The following IGF2BP2 variants were observed in gnomAD, a reference collection of about 807,000 sequenced individuals.
The protein encoded by IGF2BP2 is insulin like growth factor 2 mRNA binding protein 2.
A neutral mutation model predicts 75.8 loss-of-function variants in IGF2BP2; 17 were observed. That is an observed-to-expected ratio of 0.22 (90% CI 0.15 to 0.34). IGF2BP2 has a LOEUF of 0.34. Ranked by LOEUF, IGF2BP2 falls within the 10% of genes least tolerant of loss-of-function variation. The probability of loss-of-function intolerance (pLI) is 1.00; values close to 1 mark genes in which losing one functional copy is unlikely to be tolerated. For missense variants in IGF2BP2, 516 were observed against 772.4 expected, an observed-to-expected ratio of 0.67 and a Z score of 3.93; for synonymous variants, 288 against 295.6, an observed-to-expected ratio of 0.97 and a Z score of 0.26.
chr3:185,805,341 G>A (rs1206618555), intron 2 of IGF2BP2, among the ~76,000 whole-genome samples: 2 of 152,182 alleles, frequency 1.3e-5, no homozygotes, highest in East Asian at 1.9e-4. Context: ...AGAGACCTAT[G>A]AGGCTTTCTC....
chr3:185,793,867 G>C (rs1004105418), intron 2 of IGF2BP2, among the ~76,000 whole-genome samples: 14 of 151,942 alleles, frequency 9.2e-5, no homozygotes, highest in Non-Finnish European at 1.8e-4. Flanking sequence ...GGCCCTGCCT[G>C]GGGAGCAGTA....
At chr3:185,771,677 A>C (rs1733896693) in intron 2 of IGF2BP2, among the ~76,000 whole-genome samples, 1 of 152,132 alleles carries the variant, frequency 6.6e-6, no homozygotes, top group Non-Finnish European at 1.5e-5. Flanking sequence ...AAATTAGTGA[A>C]TCTCTTTCTC....
intron 2 of IGF2BP2, among the ~76,000 whole-genome samples, chr3:185,786,965 C>A (rs1735979071): frequency 6.6e-6 from 1 of 152,068 alleles, no homozygotes; most frequent in African/African-American, 2.4e-5. Context: ...ATGTAAAAGC[C>A]TTTCTTAGTT....
intron 2 of IGF2BP2, among the ~76,000 whole-genome samples, chr3:185,776,363 ATAATT>A: frequency 6.6e-6 from 1 of 152,336 alleles, no homozygotes; most frequent in Middle Eastern, 3.4e-3. Flanking sequence ...CAACATGTTT[ATAATT>A]TAAAGTGACA....
At chr3:185,727,362 G>A (rs555810330) in intron 2 of IGF2BP2, among the ~76,000 whole-genome samples, 4 of 152,260 alleles carry the variant, frequency 2.6e-5, no homozygotes, top group African/African-American at 9.6e-5. Context: ...CTCACAGAGC[G>A]GGCTATGCAC....
intron 12 of IGF2BP2, among the ~76,000 whole-genome samples, chr3:185,654,512 ACCGT>A (rs1318799075): frequency 6.6e-6 from 1 of 152,200 alleles, no homozygotes; most frequent in Non-Finnish European, 1.5e-5. Context: ...TTCTGCCATC[ACCGT>A]CCACTTCGTA....
chr3:185,743,108 A>G (rs187290004), intron 2 of IGF2BP2, among the ~76,000 whole-genome samples: 224 of 152,176 alleles, frequency 1.5e-3, no homozygotes, highest in African/African-American at 5.2e-3. Flanking sequence ...TAATAAATAA[A>G]CAAACAAACA....
intron 10 of IGF2BP2, among the ~76,000 whole-genome samples, chr3:185,660,686 CTCTTGGCTCTGCT>C (rs1716294722): frequency 6.6e-6 from 1 of 152,192 alleles, no homozygotes; most frequent in Non-Finnish European, 1.5e-5. Flanking sequence ...CAGTTTCTCT[CTCTTGGCTCTGCT>C]TCTAAGGACC....
intron 2 of IGF2BP2, among the ~76,000 whole-genome samples, chr3:185,723,377 T>C (rs1252159885): frequency 6.6e-6 from 1 of 152,200 alleles, no homozygotes; most frequent in Non-Finnish European, 1.5e-5. Context: ...GTATTAGGGC[T>C]GGGAAGATGG....
intron 2 of IGF2BP2, among the ~76,000 whole-genome samples, chr3:185,783,373 G>A (rs1369606007): frequency 6.6e-6 from 1 of 152,094 alleles, no homozygotes; most frequent in Non-Finnish European, 1.5e-5. Flanking sequence ...GCTCTGCACA[G>A]GGGAAGAAGG....
At chr3:185,732,298 A>G (rs906735813) in intron 2 of IGF2BP2, among the ~76,000 whole-genome samples, 6 of 152,222 alleles carry the variant, frequency 3.9e-5, no homozygotes, top group African/African-American at 1.4e-4. Context: ...CTCAGAAAAG[A>G]TCTGTTGGAT....
At chr3:185,717,171 C>T in intron 2 of IGF2BP2, 1 of 184,570 alleles carries the variant, frequency 5.4e-6, no homozygotes, top group Admixed American at 5.4e-5. Context: ...GACTGGTTTC[C>T]TGAGGGCTGG....
intron 2 of IGF2BP2, among the ~76,000 whole-genome samples, chr3:185,805,691 C>T (rs1350459309): frequency 6.6e-6 from 1 of 152,110 alleles, no homozygotes; most frequent in African/African-American, 2.4e-5. Flanking sequence ...ACATTTGATC[C>T]TCTGTGCTCA....
intron 3 of IGF2BP2, 65 bp downstream of exon 3, chr3:185,698,234 T>C (rs981149198): frequency 6.3e-5 from 90 of 1,435,488 alleles, no homozygotes; most frequent in Non-Finnish European, 8.7e-5. Context: ...AATTCCTAAA[T>C]GTAAAATGGA....
chr3:185,689,778 C>G, intron 5 of IGF2BP2, 151 bp from the exon 6 acceptor site: 1 of 833,384 alleles, frequency 1.2e-6, no homozygotes, highest in Non-Finnish European at 1.9e-6. Flanking sequence ...ACCATCCCGG[C>G]TAAAACGGTG....
intron 15 of IGF2BP2, 176 bp downstream of exon 15, chr3:185,646,849 A>T (rs1713652556): frequency 1.6e-6 from 1 of 612,434 alleles, no homozygotes. Flanking sequence ...GAGAAGTGTG[A>T]AACAATGTCC....
In IGF2BP2 at chr3:185,650,631, C is replaced by T. The variant is rs533015424; in HGVS notation, c.1462-1097G>A. 1.5e-3 allele frequency among the ~76,000 whole-genome samples: 220 copies of T among 151,716 alleles called. 1 individual carries two copies. Among genetic ancestry groups the T allele is most frequent in the African/African-American group, 4.5e-3 (186 of 41,328 alleles). Reference sequence around the variant, plus strand: ...GATGGAGGTTGCAGTGAGCCGAGATCGCACCACTGCACTCCAGCATGGGTG... The same window carrying T: ...GATGGAGGTTGCAGTGAGCCGAGATTGCACCACTGCACTCCAGCATGGGTG... On this transcript the variant is annotated intron_variant, in intron 13 of 15. Transcript: ENST00000382199.
At chr3:185,677,068 T>TATATATATATATATATATAGAGAG in intron 7 of IGF2BP2, among the ~76,000 whole-genome samples, 24 of 35,854 alleles carry the variant, frequency 6.7e-4, no homozygotes, top group African/African-American at 7.8e-4. Flanking sequence ...TATATATATA[T>TATATATATATATATATATAGAGAG]AGAGAGAGAG....
chr3:185,771,403 G>A (rs1207712750), intron 2 of IGF2BP2, among the ~76,000 whole-genome samples: 1 of 149,432 alleles, frequency 6.7e-6, no homozygotes, highest in African/African-American at 2.5e-5. Context: ...TTGAGCCACT[G>A]CACTCCAGCC....
Sources: allele counts gnomAD v4.1 joint callset (sites outside exome capture counted in the v4.1 genomes callset), GRCh38; gene constraint gnomAD v4.1.1; transcripts MANE v1.5; gene names NCBI Gene and HGNC (gene_info 2026-07-23, HGNC 2026-07-21).